Variants in BRD4 observed in about 807,000 individuals in gnomAD.
BRD4 encodes the protein bromodomain containing 4.
BRD4 carries 16 observed loss-of-function variants against 142.1 expected under a neutral mutation model. The observed-to-expected ratio is 0.11, with a 90% CI of 0.08 to 0.17. The LOEUF is 0.17. Among genes scored for constraint, BRD4 ranks in the 10% least tolerant of loss-of-function variants. BRD4 has a pLI of 1.00. For missense variants in BRD4, 1,424 were observed against 1,810.9 expected, an observed-to-expected ratio of 0.79 and a Z score of 3.88; for synonymous variants, 833 against 707.5, an observed-to-expected ratio of 1.18 and a Z score of -2.82.
Position 15,239,581 on chromosome 19 carries a change from C to A in BRD4, c.3446-59G>T. ...CCTCACCCCAGTGGGGCATGGTCCA[C>A]CAGCCCCACAGCAAGCTTATGTCCA... is the stretch of plus-strand genomic sequence containing the variant. On this transcript the variant is annotated intron_variant, in intron 16 of 19. Transcript: ENST00000679869. This position sits in a 1 kb window ranked among gnomAD's most constrained non-coding sequence, Gnocchi z 7.4. 6.4e-7 allele frequency: 1 copy of A among 1,566,920 alleles called. No individual in the cohort carries two copies. Among genetic ancestry groups the A allele is most frequent in the South Asian group, 1.2e-5 (1 of 84,730 alleles).
chr19:15,320,707 C>A (rs993012084), intron 1 of BRD4, among the ~76,000 whole-genome samples: 3 of 152,226 alleles, frequency 2.0e-5, no homozygotes, highest in African/African-American at 7.2e-5. Flanking sequence ...GGCTTGACTT[C>A]TCCCAGAGCT....
intron 1 of BRD4, among the ~76,000 whole-genome samples, chr19:15,275,506 G>GCA (rs952339351): frequency 3.7e-4 from 56 of 152,210 alleles, no homozygotes; most frequent in African/African-American, 1.1e-3. Flanking sequence ...TTAGTGAGCT[G>GCA]CACACACACA....
Position 15,251,213 on chromosome 19 carries a change from G to A in BRD4, c.2158+2939C>T, listed in dbSNP as rs376977726. Among the ~76,000 whole-genome samples, 6 of 151,998 alleles carry A rather than the reference G, an allele frequency of 3.9e-5. No homozygotes were observed. The East Asian group carries it at 9.7e-4, about 24-fold the overall frequency. ...CCTGAACTAGAGCCTGGCCCCAGAG[G>A]ACCACCCCACGCCTGCATCAGTCCA... is the stretch of plus-strand genomic sequence containing the variant. On this transcript the variant is annotated intron_variant, in intron 11 of 19. Coordinates refer to ENST00000679869, the MANE Select transcript of BRD4 (RefSeq NM_001379291.1).
At chr19:15,313,579 G>A (rs781751511) in intron 1 of BRD4, among the ~76,000 whole-genome samples, 1 of 151,958 alleles carries the variant, frequency 6.6e-6, no homozygotes, top group Non-Finnish European at 1.5e-5. Context: ...AGGAGGCTGA[G>A]GCAGGAGAAT....
intron 11 of BRD4, chr19:15,253,596 G>C (rs750412959): frequency 1.9e-6 from 3 of 1,591,040 alleles, no homozygotes; most frequent in East Asian, 2.3e-5. Context: ...ACTCTGGGGA[G>C]GGGTAGGCAA....
chr19:15,306,672 C>T (rs922341289), intron 1 of BRD4, among the ~76,000 whole-genome samples: 1 of 152,044 alleles, frequency 6.6e-6, no homozygotes, highest in African/African-American at 2.4e-5. Flanking sequence ...AATTTTAAGA[C>T]AGTTGTGTCT....
chr19:15,295,741 C>T (rs1422781790), intron 1 of BRD4, among the ~76,000 whole-genome samples: 1 of 152,214 alleles, frequency 6.6e-6, no homozygotes, highest in Non-Finnish European at 1.5e-5. Context: ...GAGGCCGAGG[C>T]AGGTGGATCA....
chr19:15,269,126 C>A, intron 2 of BRD4, 84 bp from the exon 3 acceptor site: 1 of 1,513,096 alleles, frequency 6.6e-7, no homozygotes, highest in Non-Finnish European at 9.0e-7. Context: ...GCCTGGGGAC[C>A]TCACCCCTGG....
chr19:15,302,224 T>C (rs1345267146), intron 1 of BRD4, among the ~76,000 whole-genome samples: 1 of 151,466 alleles, frequency 6.6e-6, no homozygotes, highest in Non-Finnish European at 1.5e-5. Flanking sequence ...ACAAACCACA[T>C]GCAGTACACC....
chr19:15,238,268 G>T lies in BRD4; in HGVS notation c.*109C>A. On this transcript the variant is annotated 3_prime_UTR_variant, in exon 20 of 20. Transcript: ENST00000679869. This position sits in a 1 kb window ranked among gnomAD's most constrained non-coding sequence, Gnocchi z 7.2. ...CCGGGCATAGCATGCAGGAGGGCCA[G>T]GCCCTGAGGCATCCCCTGGCCGCTG... 6.5e-7 allele frequency: 1 copy of T among 1,547,640 alleles called. No individual in the cohort carries two copies. The highest frequency in any genetic ancestry group is 2.3e-5 in the East Asian group (1 of 43,858).
At chr19:15,264,116 A>C in intron 6 of BRD4, 1 of 377,778 alleles carries the variant, frequency 2.6e-6, no homozygotes. Flanking sequence ...TGGGCAAGGT[A>C]CCTGGGGCAC....
intron 1 of BRD4, among the ~76,000 whole-genome samples, chr19:15,278,561 AAAAG>A (rs2047674841): frequency 6.6e-6 from 1 of 151,396 alleles, no homozygotes; most frequent in Non-Finnish European, 1.5e-5. Flanking sequence ...AAAAAAAAAA[AAAAG>A]AAATAACTAT....
chr19:15,284,950 C>A (rs549780366), intron 1 of BRD4, among the ~76,000 whole-genome samples: 2 of 152,144 alleles, frequency 1.3e-5, no homozygotes, highest in Non-Finnish European at 2.9e-5. Context: ...CACTGACAGG[C>A]GAGTACATGG....
chr19:15,280,303 T>G, intron 1 of BRD4: 1 of 1,011,220 alleles, frequency 9.9e-7, no homozygotes. Flanking sequence ...AGAGGCCCAG[T>G]CATCCTACAC....
At chr19:15,282,743 C>T (rs573556948) in intron 1 of BRD4, among the ~76,000 whole-genome samples, 7 of 152,330 alleles carry the variant, frequency 4.6e-5, no homozygotes, top group Admixed American at 2.0e-4. Flanking sequence ...CTTCACTTTA[C>T]ACCTTTTCAG....
At chr19:15,282,746 C>T (rs1191012457) in intron 1 of BRD4, among the ~76,000 whole-genome samples, 1 of 152,154 alleles carries the variant, frequency 6.6e-6, no homozygotes, top group Admixed American at 6.5e-5. Context: ...CACTTTACAC[C>T]TTTTCAGCTA....
intron 9 of BRD4, 95 bp downstream of exon 9, chr19:15,255,969 C>G: frequency 1.3e-6 from 2 of 1,508,406 alleles, no homozygotes; most frequent in Non-Finnish European, 1.8e-6. Context: ...AGCCTCCGCA[C>G]CCAATGAGGA....
chr19:15,327,651 T>C (rs745824816), intron 1 of BRD4, among the ~76,000 whole-genome samples: 21 of 152,006 alleles, frequency 1.4e-4, no homozygotes, highest in Non-Finnish European at 2.5e-4. Flanking sequence ...AATGAATGGG[T>C]AAACAAAATG....
intron 10 of BRD4, among the ~76,000 whole-genome samples, 197 bp from the exon 11 acceptor site, chr19:15,254,459 A>C (rs914743261): frequency 3.3e-5 from 5 of 152,206 alleles, no homozygotes; most frequent in Non-Finnish European, 7.4e-5. Context: ...TAGACTGCTT[A>C]CAATGGAATT....
Sources: gnomAD v4.1 joint callset for allele counts (sites outside exome capture counted in the v4.1 genomes callset) on GRCh38, gnomAD v4.1.1 for gene constraint, Gnocchi (gnomAD v3.1) non-coding constraint, MANE v1.5 for transcripts, NCBI Gene and HGNC (gene_info 2026-07-23, HGNC 2026-07-21) for gene names.